Variants in SEC23A observed in about 807,000 individuals in gnomAD.
SEC23A encodes the protein SEC23 homolog A, COPII component, also known as protein transport protein Sec23A.
Under a neutral mutation model 103.7 loss-of-function variants are expected in SEC23A, and 56 were observed. The ratio of observed to expected loss-of-function variants is 0.54; its 90% CI spans 0.44 to 0.67. SEC23A has a LOEUF of 0.67. Ranked by LOEUF, SEC23A falls within the 30% of genes least tolerant of loss-of-function variation. The pLI, the probability that SEC23A is intolerant of heterozygous loss-of-function variation, is 0.00. For synonymous variants in SEC23A, 281 were observed against 293.0 expected (o/e 0.96, Z 0.42); for missense variants, 784 against 936.4 (o/e 0.84, Z 2.12).
intron 17 of SEC23A, among the ~76,000 whole-genome samples, chr14:39,042,289 G>T (rs747870451): frequency 2.6e-5 from 4 of 152,174 alleles, no homozygotes; most frequent in Non-Finnish European, 4.4e-5. Flanking sequence ...TAAATACCTG[G>T]ATTAAAGCTT....
chr14:39,072,204 C>G (rs1286125331), intron 9 of SEC23A, among the ~76,000 whole-genome samples: 1 of 151,704 alleles, frequency 6.6e-6, no homozygotes, highest in Non-Finnish European at 1.5e-5. Context: ...TGCACTCTTG[C>G]CTGGGTGACA....
chr14:39,057,511 C>T (rs142858506), intron 13 of SEC23A, among the ~76,000 whole-genome samples: 11 of 152,196 alleles, frequency 7.2e-5, no homozygotes, highest in East Asian at 1.9e-4. Context: ...ACTACAGGCA[C>T]GGACCACCAT....
chr14:39,040,202 GTGTA>G (rs1365498017), intron 18 of SEC23A: 4 of 153,500 alleles, frequency 2.6e-5, no homozygotes, highest in African/African-American at 9.7e-5. Context: ...CAAAGCAACT[GTGTA>G]TGTATGTATA....
chr14:39,084,485 G>T (rs921883504), intron 7 of SEC23A, among the ~76,000 whole-genome samples: 1 of 152,092 alleles, frequency 6.6e-6, no homozygotes, highest in African/African-American at 2.4e-5. Context: ...CAATATGCTG[G>T]AGGAAAACAC....
At chr14:39,068,484 T>G (rs1228180892) in intron 9 of SEC23A, among the ~76,000 whole-genome samples, 1 of 152,246 alleles carries the variant, frequency 6.6e-6, no homozygotes, top group Non-Finnish European at 1.5e-5. Context: ...AAAAGTTTTT[T>G]TCCTTTTTCC....
At chr14:39,083,545 C>A (rs992908808) in intron 7 of SEC23A, among the ~76,000 whole-genome samples, 3 of 141,622 alleles carry the variant, frequency 2.1e-5, no homozygotes, top group African/African-American at 7.9e-5. Flanking sequence ...TGTCCTCAGC[C>A]TTGGCAAAAT....
chr14:39,037,520 T>C (rs1368513912), intron 19 of SEC23A, among the ~76,000 whole-genome samples: 1 of 152,186 alleles, frequency 6.6e-6, no homozygotes, highest in Non-Finnish European at 1.5e-5. Flanking sequence ...TTCTACATTA[T>C]TTTTCCTTTT....
chr14:39,096,957 T>C (rs988571325), intron 1 of SEC23A, among the ~76,000 whole-genome samples: 17 of 152,226 alleles, frequency 1.1e-4, no homozygotes, highest in African/African-American at 3.9e-4. Context: ...AATTTTCTTA[T>C]TGTGCAAGTA....
intron 14 of SEC23A, among the ~76,000 whole-genome samples, chr14:39,053,487 G>A (rs1886138299): frequency 6.6e-6 from 1 of 151,018 alleles, no homozygotes; most frequent in African/African-American, 2.4e-5. Flanking sequence ...CATCAATAGT[G>A]GACCCTATGA....
At chr14:39,085,629 G>C (rs1397928909) in intron 7 of SEC23A, 133 bp downstream of exon 7, 1 of 1,057,852 alleles carries the variant, frequency 9.5e-7, no homozygotes. Flanking sequence ...TGTTGATGCT[G>C]AGTGAGAGAA....
intron 7 of SEC23A, among the ~76,000 whole-genome samples, chr14:39,081,155 G>C (rs1036905886): frequency 1.3e-5 from 2 of 151,150 alleles, no homozygotes; most frequent in Non-Finnish European, 2.9e-5. Flanking sequence ...CAGTGCTGCA[G>C]TAAGCTATGA....
intron 11 of SEC23A, 99 bp from the exon 12 acceptor site, chr14:39,063,512 T>G: frequency 1.3e-6 from 1 of 741,392 alleles, no homozygotes; most frequent in Non-Finnish European, 2.2e-6. Flanking sequence ...AAAAAAAAAG[T>G]CATGTTTCAA....
chr14:39,033,591 C>T (rs192101340), intron 19 of SEC23A, among the ~76,000 whole-genome samples: 27 of 152,342 alleles, frequency 1.8e-4, no homozygotes, highest in Admixed American at 4.6e-4. Context: ...ATCAGGATGG[C>T]GGCTAGTCAC....
At chr14:39,094,333 T>TACATATATACACACACACAC in intron 2 of SEC23A, among the ~76,000 whole-genome samples, 1 of 46,798 alleles carries the variant, frequency 2.1e-5, no homozygotes, top group African/African-American at 8.1e-5. Flanking sequence ...TATACACATA[T>TACATATATACACACACACAC]ACACATATAT....
At chr14:39,080,696 G>A (rs1320309214) in intron 7 of SEC23A, among the ~76,000 whole-genome samples, 1 of 152,202 alleles carries the variant, frequency 6.6e-6, no homozygotes, top group Non-Finnish European at 1.5e-5. Context: ...ATGAGCCACT[G>A]CGCCTGGCCG....
chr14:39,061,621 G>T, intron 13 of SEC23A, 144 bp downstream of exon 13: 1 of 677,798 alleles, frequency 1.5e-6, no homozygotes, highest in Non-Finnish European at 2.7e-6. Context: ...AAATAAGCTG[G>T]GTTAGAAAGA....
chr14:39,054,157 C>T (rs1886162408), intron 14 of SEC23A, among the ~76,000 whole-genome samples: 1 of 151,900 alleles, frequency 6.6e-6, no homozygotes, highest in South Asian at 2.1e-4. Flanking sequence ...TGCCTGTAGT[C>T]CCAGCTACTC....
chr14:39,096,249 A>G lies in SEC23A; in HGVS notation c.-21-110T>C, dbSNP rs1964842. The G allele has an allele frequency of 0.92, 699,299 of 756,568 alleles. 323,859 individuals carry two copies. Among genetic ancestry groups the G allele is most frequent in the East Asian group, 0.97 (35,781 of 37,046 alleles). 46.9% of individuals were successfully genotyped at this position (756,568 alleles called of 1,614,324 possible). On this transcript the variant is annotated intron_variant, in intron 1 of 19. Transcript: ENST00000307712. ...TATTAACACCTTAGAAATCAGGACC[A>G]GCTGGGCCCCGTGGCTCACGCCGGT...
chr14:39,051,766 C>T (rs1451109000), intron 14 of SEC23A, among the ~76,000 whole-genome samples: 3 of 152,050 alleles, frequency 2.0e-5, no homozygotes, highest in East Asian at 3.9e-4. Flanking sequence ...AGTTCGAGAC[C>T]AGCCTGACCA....
Sources: gnomAD v4.1 joint callset for allele counts (sites outside exome capture counted in the v4.1 genomes callset) on GRCh38, gnomAD v4.1.1 for gene constraint, MANE v1.5 for transcripts, NCBI Gene and HGNC (gene_info 2026-07-23, HGNC 2026-07-21) for gene names.